The following BCL2L1 variants were observed in gnomAD, a reference collection of about 807,000 sequenced individuals.
The protein encoded by BCL2L1 is BCL2 like 1, also known as bcl-2-like protein 1.
In BCL2L1, 1 loss-of-function variant was observed where a neutral mutation model predicts 18.7. That is an observed-to-expected ratio of 0.05 (90% CI 0.02 to 0.25). BCL2L1 has a LOEUF of 0.25. Among genes scored for constraint, BCL2L1 ranks in the 10% least tolerant of loss-of-function variants. BCL2L1 has a pLI of 1.00. For synonymous variants in BCL2L1, 103 were observed against 122.7 expected, an observed-to-expected ratio of 0.84 and a Z score of 1.06; for missense variants, 207 against 304.9, an observed-to-expected ratio of 0.68 and a Z score of 2.39.
intron 2 of BCL2L1, among the ~76,000 whole-genome samples, chr20:31,667,469 G>T (rs1015012492): frequency 4.7e-5 from 7 of 147,514 alleles, no homozygotes; most frequent in Non-Finnish European, 8.9e-5. Context: ...AAAAAAAAAG[G>T]AAGTACCATA....
chr20:31,673,411 A>C (rs1019030783), intron 2 of BCL2L1, among the ~76,000 whole-genome samples: 2 of 151,584 alleles, frequency 1.3e-5, no homozygotes, highest in East Asian at 1.9e-4. Flanking sequence ...TTAGGAGCTG[A>C]GGCAGGAGGA....
chr20:31,720,005 G>A (rs1220297769), intron 2 of BCL2L1: 1 of 760,534 alleles, frequency 1.3e-6, no homozygotes, highest in Non-Finnish European at 1.6e-6. Flanking sequence ...GAACAGGAGA[G>A]GTCACTGCAC....
At chr20:31,687,039 C>T (rs751799463) in intron 2 of BCL2L1, among the ~76,000 whole-genome samples, 3 of 152,142 alleles carry the variant, frequency 2.0e-5, no homozygotes, top group South Asian at 2.1e-4. Context: ...CTACACTGGC[C>T]GAGTCTGGTG....
intron 2 of BCL2L1, among the ~76,000 whole-genome samples, chr20:31,686,820 TAAA>T (rs371066027): frequency 1.3e-5 from 2 of 151,646 alleles, no homozygotes; most frequent in Non-Finnish European, 2.9e-5. Flanking sequence ...TAAGAAAAAA[TAAA>T]AAAAGGCAGA....
chr20:31,704,788 C>T (rs2061345421), intron 2 of BCL2L1, among the ~76,000 whole-genome samples: 1 of 152,210 alleles, frequency 6.6e-6, no homozygotes, highest in South Asian at 2.1e-4. Context: ...ACAGGCATAG[C>T]TGTACTTTGC....
At chr20:31,682,103 CCTA>C (rs1466684188) in intron 2 of BCL2L1, among the ~76,000 whole-genome samples, 2 of 152,310 alleles carry the variant, frequency 1.3e-5, no homozygotes, top group African/African-American at 4.8e-5. Context: ...TTGTCCAGGG[CCTA>C]CTAGGCAGAA....
At chr20:31,708,127 A>T (rs965188574) in intron 2 of BCL2L1, among the ~76,000 whole-genome samples, 4 of 152,178 alleles carry the variant, frequency 2.6e-5, no homozygotes, top group African/African-American at 9.7e-5. Flanking sequence ...AGGTGTGCTC[A>T]ATCTATCCTT....
At chr20:31,670,799 G>A (rs973092783) in intron 2 of BCL2L1, among the ~76,000 whole-genome samples, 28 of 152,152 alleles carry the variant, frequency 1.8e-4, no homozygotes, top group Admixed American at 2.6e-4. Context: ...AGGCGGTGGC[G>A]TGGGTATATT....
intron 2 of BCL2L1, among the ~76,000 whole-genome samples, chr20:31,682,106 A>G (rs1422921200): frequency 6.6e-6 from 1 of 152,268 alleles, no homozygotes; most frequent in Non-Finnish European, 1.5e-5. Context: ...TCCAGGGCCT[A>G]CTAGGCAGAA....
intron 2 of BCL2L1, among the ~76,000 whole-genome samples, chr20:31,682,021 A>G (rs537769907): frequency 6.6e-6 from 1 of 152,316 alleles, no homozygotes; most frequent in African/African-American, 2.4e-5. Flanking sequence ...CACAGAGTAG[A>G]CAGGCTCCAG....
rs199575410 is a variant in BCL2L1 at position 31,697,892 on chromosome 20, G to GTTTTTTTTTTTTTTGTTTGTTTGTTTTT, written c.564+23762_564+23763insAAAAACAAACAAACAAAAAAAAAAAAAA. Among the ~76,000 whole-genome samples the GTTTTTTTTTTTTTTGTTTGTTTGTTTTT allele has an allele frequency of 1.3e-4, 17 of 129,652 alleles. 1 individual carries two copies. The highest frequency in any genetic ancestry group is 5.6e-4 in the African/African-American group (17 of 30,510). The allele number at this position is 129,652 out of a possible 152,430, so 85.1% of individuals were successfully genotyped here. A position where few individuals can be genotyped will look rare whatever the true frequency, so the allele number is the denominator to read the frequency against. On this transcript the variant is annotated intron_variant, in intron 2 of 2. Coordinates refer to ENST00000307677, the MANE Select transcript of BCL2L1 (RefSeq NM_138578.3). ...AGAATCCTCAGCATGTGCTGTTGCT[G>GTTTTTTTTTTTTTTGTTTGTTTGTTTTT]TTTTTTTTTTTTTGAGACGGAGTCT...
chr20:31,670,902 G>A (rs765802203), intron 2 of BCL2L1, among the ~76,000 whole-genome samples: 1 of 152,216 alleles, frequency 6.6e-6, no homozygotes, highest in Non-Finnish European at 1.5e-5. Flanking sequence ...TTGCAGAGCA[G>A]CCCTGGTCTG....
intron 2 of BCL2L1, among the ~76,000 whole-genome samples, chr20:31,675,685 G>A (rs1269377735): frequency 6.6e-6 from 1 of 152,180 alleles, no homozygotes; most frequent in Admixed American, 6.5e-5. Flanking sequence ...TGGCAAGACT[G>A]TGTTGGGGTC....
At position 31,720,475 on chromosome 20, in the gene BCL2L1, G is replaced by GC. The variant is rs574036105; in HGVS notation, c.564+1179dup. The GC allele has an allele frequency of 1.6e-4, 151 of 940,400 alleles. 1 individual carries two copies. In the South Asian group the frequency reaches 6.6e-3, roughly 41 times the overall value. 58.3% of individuals were successfully genotyped at this position (940,400 alleles called of 1,614,324 possible). ...GCACCTCCGCTAGGTAGGGAGATAA[G>GC]CAAGAAAACAGGACTGAATTCACTG... On this transcript the variant is annotated intron_variant, in intron 2 of 2. Transcript: ENST00000307677.
At chr20:31,678,446 T>C (rs1419597072) in intron 2 of BCL2L1, among the ~76,000 whole-genome samples, 6 of 152,106 alleles carry the variant, frequency 3.9e-5, no homozygotes, top group African/African-American at 1.4e-4. Context: ...AAGGGCTCCG[T>C]CTAGGGCTAC....
chr20:31,688,925 C>T (rs1229818564), intron 2 of BCL2L1, among the ~76,000 whole-genome samples: 1 of 152,072 alleles, frequency 6.6e-6, no homozygotes, highest in East Asian at 1.9e-4. Flanking sequence ...AAAATAACAC[C>T]ACTACTGTGT....
At chr20:31,697,040 G>A (rs2061182913) in intron 2 of BCL2L1, among the ~76,000 whole-genome samples, 1 of 126,940 alleles carries the variant, frequency 7.9e-6, no homozygotes. Context: ...AACAGAGCAA[G>A]ACTCTATCTC....
intron 2 of BCL2L1, among the ~76,000 whole-genome samples, chr20:31,692,724 G>A (rs377548759): frequency 6.6e-6 from 1 of 151,952 alleles, no homozygotes; most frequent in East Asian, 1.9e-4. Context: ...GCCTGGCCAA[G>A]ATGGTGAAAC....
At position 31,666,083 on chromosome 20, in the gene BCL2L1, T is replaced by C. The variant is rs1336276367; in HGVS notation, c.568A>G (p.Thr190Ala). The change falls in exon 3 of 3, where the codon ACT becomes GCT. Residue 190 changes from threonine (T) to alanine (A), a missense_variant. By Grantham distance (58) the Thr-to-Ala change is moderately conservative (BLOSUM62 0). Coordinates refer to ENST00000307677, the MANE Select transcript of BCL2L1 (RefSeq NM_138578.3). ...PWIQENGGWD[T>A]FVELYGNNAA... is the part of the protein sequence containing the mutation. Reference sequence around the variant, plus strand: ...TTGTTCCCATAGAGTTCCACAAAAGTATCCTGCAGGGAGAGAGAAGGAAGG... The same window carrying C: ...TTGTTCCCATAGAGTTCCACAAAAGCATCCTGCAGGGAGAGAGAAGGAAGG... 1 of 1,613,770 alleles carries C rather than the reference T, an allele frequency of 6.2e-7. No homozygotes were observed. Among genetic ancestry groups the C allele is most frequent in the African/African-American group, 1.3e-5 (1 of 74,840 alleles).
Sources: allele counts gnomAD v4.1 joint callset (sites outside exome capture counted in the v4.1 genomes callset), GRCh38; gene constraint gnomAD v4.1.1; transcripts MANE v1.5; gene names NCBI Gene and HGNC (gene_info 2026-07-23, HGNC 2026-07-21).